The following JAG1 variants were observed in gnomAD, a reference collection of about 807,000 sequenced individuals.
The protein encoded by JAG1 is protein jagged-1.
Under a neutral mutation model 148.7 loss-of-function variants are expected in JAG1, and 23 were observed. That is an observed-to-expected ratio of 0.15 (90% CI 0.11 to 0.22). The LOEUF (loss-of-function observed/expected upper bound fraction) is 0.22. JAG1 is among the 10% of genes least tolerant of loss of function. The pLI, the probability that JAG1 is intolerant of heterozygous loss-of-function variation, is 1.00. For missense variants in JAG1, 1,054 were observed against 1,611.2 expected (o/e 0.65, Z 5.92); for synonymous variants, 572 against 598.3 (o/e 0.96, Z 0.64).
chr20:10,657,735 T>C (rs1219684022), intron 4 of JAG1, among the ~76,000 whole-genome samples: 1 of 152,216 alleles, frequency 6.6e-6, no homozygotes, highest in Non-Finnish European at 1.5e-5. Context: ...ACTGGGACAG[T>C]AGACAGCACA....
chr20:10,652,888 G>T (rs187187743), intron 5 of JAG1, among the ~76,000 whole-genome samples: 1 of 152,106 alleles, frequency 6.6e-6, no homozygotes, highest in East Asian at 1.9e-4. Flanking sequence ...GTGAGCCAAA[G>T]GTGAAGGCAT....
chr20:10,667,739 C>T (rs866083243), intron 2 of JAG1, among the ~76,000 whole-genome samples: 2 of 152,170 alleles, frequency 1.3e-5, no homozygotes, highest in Admixed American at 6.5e-5. Context: ...CCCCAAAGCT[C>T]ATATCCAGAT....
At position 10,659,559 on chromosome 20, in the gene JAG1, C is replaced by CTTTTTTTTTT. The variant is rs35826283; in HGVS notation, c.440-847_440-838dup. Among the ~76,000 whole-genome samples the CTTTTTTTTTT allele has an allele frequency of 5.0e-3, 530 of 105,140 alleles. 117 individuals carry two copies. Among genetic ancestry groups the CTTTTTTTTTT allele is most frequent in the African/African-American group, 0.018 (497 of 27,200 alleles). 69.0% of individuals were successfully genotyped at this position (105,140 alleles called of 152,430 possible). ...GGAAGCCAAGGAGACGATTAAGTTA[C>CTTTTTTTTTT]TTTTTTTTTTTTTTTTTTTTTTTTT... On this transcript the variant is annotated intron_variant, in intron 3 of 25. Transcript: ENST00000254958.
At chr20:10,659,123 CCA>C (rs1600189281) in intron 3 of JAG1, among the ~76,000 whole-genome samples, 1 of 152,234 alleles carries the variant, frequency 6.6e-6, no homozygotes, top group Non-Finnish European at 1.5e-5. Flanking sequence ...CAACCTCTGT[CCA>C]CAGTCTCAAA....
At chr20:10,640,973 C>T (rs2067266634) in intron 24 of JAG1, 40 bp from the exon 25 acceptor site, 1 of 1,613,228 alleles carries the variant, frequency 6.2e-7, no homozygotes, top group Non-Finnish European at 8.5e-7. Context: ...CAGAGGAATA[C>T]TCAAAGCAGC....
chr20:10,646,611 G>A (rs2067310611), intron 14 of JAG1, among the ~76,000 whole-genome samples: 1 of 151,878 alleles, frequency 6.6e-6, no homozygotes. Context: ...CTGGGAGTTC[G>A]AGACCAGCCT....
At position 10,644,798 on chromosome 20, in the gene JAG1, G is replaced by A. The variant is rs186186891; in HGVS notation, c.2344+65C>T. The A allele has an allele frequency of 8.8e-6, 10 of 1,140,020 alleles. No individual in the cohort carries two copies. In the Admixed American group the frequency reaches 1.7e-4, roughly 19 times the overall value. The allele number at this position is 1,140,020 out of a possible 1,614,324, so 70.6% of individuals were successfully genotyped here. ...GCTCTGCTTCTGGTTTCCATTGCAA[G>A]TCCCCAAGGGTGTCAGGATCTGCTC... On this transcript the variant is annotated intron_variant, in intron 18 of 25. Transcript: ENST00000254958.
rs863223659 is a variant in JAG1, at chr20:10,641,252, G to A, written c.2917-8C>T. On this transcript the variant is annotated splice_region_variant and splice_polypyrimidine_tract_variant and intron_variant, in intron 23 of 25. Transcript: ENST00000254958. ...GTGCTCCGTAGTAAGACCCTAAAAC[G>A]ATTTTTAAAAACCCACACACGTGTA... The A allele has an allele frequency of 9.9e-6, 16 of 1,613,472 alleles. No individual in the cohort carries two copies. The highest frequency in any genetic ancestry group is 1.3e-5 in the African/African-American group (1 of 75,022).
chr20:10,668,523 G>GTCACTAACCTTGA (rs2067472578), intron 2 of JAG1, among the ~76,000 whole-genome samples: 1 of 152,152 alleles, frequency 6.6e-6, no homozygotes, highest in Admixed American at 6.6e-5. Flanking sequence ...TTCTTACATT[G>GTCACTAACCTTGA]TCACTAACCT....
At chr20:10,654,059 G>C (rs569090204) in intron 5 of JAG1, among the ~76,000 whole-genome samples, 4 of 152,232 alleles carry the variant, frequency 2.6e-5, no homozygotes, top group Non-Finnish European at 5.9e-5. Context: ...TGGGAGGTAA[G>C]GGTGTAGCCA....
In JAG1 at chr20:10,651,398, C is replaced by T; in HGVS notation, c.1120+183G>A. 1.0e-5 allele frequency: 6 copies of T among 587,396 alleles called. No individual in the cohort carries two copies. In the South Asian group the frequency reaches 1.2e-4, roughly 12 times the overall value. The allele number at this position is 587,396 out of a possible 1,614,324, so 36.4% of individuals were successfully genotyped here. On this transcript the variant is annotated intron_variant, in intron 8 of 25. Transcript: ENST00000254958. The stretch of plus-strand genomic sequence containing the variant: ...AGATACATGCGCTACCTTAGTGGGA[C>T]AGGATGGGGGTGCTGGGAGACTTCC...
chr20:10,654,019 T>C (rs79383927), intron 5 of JAG1, among the ~76,000 whole-genome samples: 49 of 152,340 alleles, frequency 3.2e-4, no homozygotes, highest in Non-Finnish European at 5.6e-4. Flanking sequence ...ACAATCTAAA[T>C]AATTTCTCAA....
chr20:10,659,161 A>T (rs140522800), intron 3 of JAG1, among the ~76,000 whole-genome samples: 2 of 152,366 alleles, frequency 1.3e-5, no homozygotes, highest in East Asian at 3.9e-4. Context: ...CCCACCACCC[A>T]GGAAGCTGTG....
Position 10,651,644 on chromosome 20 carries a change from C to G in JAG1, c.1057G>C (p.Glu353Gln), listed in dbSNP as rs1600185499. ...DPCHNRGSCK[E>Q]TSLGFECECS... ...TCACACTCAAAGCCCAGGGAGGTCTCCTTACAGCTGCCTCTGTTGTGACAG... is the reference window on the plus strand; with the variant it reads ...TCACACTCAAAGCCCAGGGAGGTCTGCTTACAGCTGCCTCTGTTGTGACAG... The change falls in exon 8 of 26, where the codon GAG (glutamate) becomes CAG (glutamine). Residue 353 changes from glutamate to glutamine, a missense_variant. Coordinates refer to ENST00000254958, the MANE Select transcript of JAG1 (RefSeq NM_000214.3). 1 of 1,614,026 alleles carries G rather than the reference C, an allele frequency of 6.2e-7. No individual in the cohort carries two copies. The highest frequency in any genetic ancestry group is 8.5e-7 in the Non-Finnish European group (1 of 1,180,016).
intron 25 of JAG1, 95 bp from the exon 26 acceptor site, chr20:10,640,050 C>A: frequency 1.0e-6 from 1 of 981,360 alleles, no homozygotes; most frequent in Non-Finnish European, 1.6e-6. Context: ...GTTCTCCTGC[C>A]CTTTATCCCT....
chr20:10,655,671 G>C (rs1361767895), intron 5 of JAG1, among the ~76,000 whole-genome samples: 1 of 152,162 alleles, frequency 6.6e-6, no homozygotes, highest in Non-Finnish European at 1.5e-5. Flanking sequence ...TGGGAGGAGG[G>C]AGAGCAAAGC....
intron 19 of JAG1, 46 bp downstream of exon 19, chr20:10,644,310 AC>A: frequency 6.9e-7 from 1 of 1,455,662 alleles, no homozygotes; most frequent in Non-Finnish European, 9.6e-7. Context: ...ACACACACAC[AC>A]ACACGATAGT....
rs1568794384 is a variant in JAG1, at chr20:10,645,488, C to T, written c.2000-19G>A. ...TTAATATCTAGAATCAAAGGGGAGA[C>T]AATCGGCTGAAGACGAGATCCAGGA... On this transcript the variant is annotated intron_variant, in intron 15 of 25. Transcript: ENST00000254958. This position sits in a 1 kb window ranked among gnomAD's most constrained non-coding sequence, Gnocchi z 6.1. 2 of 1,595,834 alleles carry T rather than the reference C, an allele frequency of 1.3e-6. No homozygotes were observed. The highest frequency in any genetic ancestry group is 2.2e-5 in the East Asian group (1 of 44,792).
intron 2 of JAG1, among the ~76,000 whole-genome samples, chr20:10,667,035 A>T (rs1232041506): frequency 6.6e-6 from 1 of 152,240 alleles, no homozygotes; most frequent in Admixed American, 6.5e-5. Context: ...TGCCACATTA[A>T]GAAGGGGGGA....
Sources: allele counts gnomAD v4.1 joint callset (sites outside exome capture counted in the v4.1 genomes callset), GRCh38; gene constraint gnomAD v4.1.1; non-coding constraint Gnocchi (gnomAD v3.1); transcripts MANE v1.5; gene names NCBI Gene and HGNC (gene_info 2026-07-23, HGNC 2026-07-21).